CCDC169: variants seen among roughly 807,000 people sequenced by gnomAD.
The protein encoded by CCDC169 is coiled-coil domain containing 169.
A neutral mutation model predicts 36.0 loss-of-function variants in CCDC169; 30 were observed. The observed-to-expected ratio is 0.83, with a 90% CI of 0.62 to 1.13. The LOEUF is 1.13. Among genes scored for constraint, CCDC169 ranks in the 50% most tolerant of loss-of-function variants. CCDC169 has a pLI of 0.00. For missense variants in CCDC169, 245 were observed against 245.9 expected (o/e 1.00, Z 0.03); for synonymous variants, 85 against 81.5 (o/e 1.04, Z -0.23).
chr13:36,281,267 C>T (rs1413628779), intron 4 of CCDC169: 1 of 445,558 alleles, frequency 2.2e-6, no homozygotes, highest in Non-Finnish European at 4.5e-6. Context: ...CTTTCTGTCA[C>T]ATGAGGAAAA....
intron 4 of CCDC169, among the ~76,000 whole-genome samples, chr13:36,258,405 AC>A (rs1874190118): frequency 6.6e-6 from 1 of 152,176 alleles, no homozygotes; most frequent in Non-Finnish European, 1.5e-5. Context: ...AATCTTAATC[AC>A]AGGATGAAAT....
In CCDC169 at chr13:36,256,057, C is replaced by T. The variant is rs967595693; in HGVS notation, c.316-1914G>A. Among the ~76,000 whole-genome samples, 4 of 152,200 alleles carry T rather than the reference C, an allele frequency of 2.6e-5. 1 individual carries two copies. The highest frequency in any genetic ancestry group is 2.6e-4 in the Admixed American group (4 of 15,286). On this transcript the variant is annotated intron_variant, in intron 4 of 7. Coordinates refer to ENST00000239859, the MANE Select transcript of CCDC169 (RefSeq NM_001144981.3). ...GCCTTTCCTTCTCCTTCTTTGCCTG[C>T]AAGCGTTGCTTCCATCTTGCAATTT...
intron 2 of CCDC169, among the ~76,000 whole-genome samples, chr13:36,293,366 C>A (rs1879130901): frequency 6.6e-6 from 1 of 152,116 alleles, no homozygotes; most frequent in Admixed American, 6.5e-5. Flanking sequence ...CCCCAAATGG[C>A]TTTATGTTTA....
chr13:36,244,470 T>G (rs551768003), intron 7 of CCDC169: 1 of 152,128 alleles, frequency 6.6e-6, no homozygotes, highest in Non-Finnish European at 1.5e-5. Flanking sequence ...TTGTTGCAAT[T>G]TTTTGCTGGA....
intron 1 of CCDC169, 92 bp downstream of exon 1, chr13:36,297,545 C>G: frequency 1.6e-6 from 2 of 1,288,900 alleles, no homozygotes; most frequent in South Asian, 2.5e-5. Flanking sequence ...GCCGGTCTTA[C>G]AGCACCCTCA....
chr13:36,285,618 G>GATAGATAGATACACAC (rs751327575), intron 2 of CCDC169, among the ~76,000 whole-genome samples: 6 of 133,502 alleles, frequency 4.5e-5, no homozygotes. Context: ...TAGATAGATA[G>GATAGATAGATACACAC]ATACATAGAT....
At chr13:36,283,558 A>G in intron 3 of CCDC169, 34 bp downstream of exon 3, 1 of 1,550,938 alleles carries the variant, frequency 6.4e-7, no homozygotes, top group Non-Finnish European at 8.7e-7. Context: ...GTTTTAACTC[A>G]AATTATAAAA....
intron 4 of CCDC169, among the ~76,000 whole-genome samples, chr13:36,263,196 GA>G (rs1874815969): frequency 8.0e-6 from 1 of 124,922 alleles, no homozygotes; most frequent in Admixed American, 8.1e-5. Flanking sequence ...GAAAGTAGAG[GA>G]AAAAAAGGGT....
intron 1 of CCDC169, among the ~76,000 whole-genome samples, chr13:36,296,432 A>G (rs1879498050): frequency 6.6e-6 from 1 of 152,206 alleles, no homozygotes; most frequent in African/African-American, 2.4e-5. Flanking sequence ...ATCATCCTAA[A>G]GAAGTTAGTT....
At chr13:36,290,354 A>C (rs908806493) in intron 2 of CCDC169, among the ~76,000 whole-genome samples, 1 of 152,210 alleles carries the variant, frequency 6.6e-6, no homozygotes. Context: ...TTAGTGCCTA[A>C]ATTGACACTA....
chr13:36,272,910 C>T, intron 4 of CCDC169, among the ~76,000 whole-genome samples: 1 of 152,190 alleles, frequency 6.6e-6, no homozygotes, highest in Non-Finnish European at 1.5e-5. Context: ...ATGTGTTCAT[C>T]TTCAACTGTC....
At chr13:36,254,835 G>A (rs1290971134) in intron 4 of CCDC169, among the ~76,000 whole-genome samples, 1 of 152,146 alleles carries the variant, frequency 6.6e-6, no homozygotes, top group African/African-American at 2.4e-5. Flanking sequence ...TTCTGCTGAG[G>A]CTGTGGGCAT....
chr13:36,259,115 T>C (rs1422843790), intron 4 of CCDC169, among the ~76,000 whole-genome samples: 2 of 152,124 alleles, frequency 1.3e-5, no homozygotes, highest in African/African-American at 4.8e-5. Flanking sequence ...CTCCCTCGGA[T>C]ACCACAGTCT....
chr13:36,294,962 T>C (rs951540810), intron 2 of CCDC169, among the ~76,000 whole-genome samples: 3 of 152,300 alleles, frequency 2.0e-5, no homozygotes. Flanking sequence ...CATTTCTGCC[T>C]TTTAGTTTTT....
intron 1 of CCDC169, among the ~76,000 whole-genome samples, 155 bp downstream of exon 1, chr13:36,297,482 C>T (rs1037749752): frequency 2.0e-5 from 3 of 152,182 alleles, no homozygotes; most frequent in African/African-American, 7.2e-5. Context: ...GTGAATCTTT[C>T]GCATGGAATA....
chr13:36,224,155 T>C (rs2138355420), downstream of CCDC169: 1 of 152,272 alleles, frequency 6.6e-6, no homozygotes, highest in East Asian at 1.9e-4. Context: ...TAAATTTAAA[T>C]AAGTCAAAGG....
chr13:36,227,076 T>C, downstream of CCDC169: 2 of 495,598 alleles, frequency 4.0e-6, no homozygotes, highest in Non-Finnish European at 3.4e-6. Context: ...GTTTGAGAGA[T>C]GAAGCCACAC....
intron 7 of CCDC169, among the ~76,000 whole-genome samples, chr13:36,243,434 A>C (rs1435190584): frequency 1.5e-5 from 2 of 130,910 alleles, no homozygotes; most frequent in Non-Finnish European, 3.6e-5. Flanking sequence ...CAGGAGGCAG[A>C]ATTTGCAGTG....
intron 4 of CCDC169, among the ~76,000 whole-genome samples, chr13:36,263,811 A>C (rs1317727541): frequency 6.6e-6 from 1 of 152,216 alleles, no homozygotes; most frequent in African/African-American, 2.4e-5. Flanking sequence ...AAACATATGC[A>C]AGAAGCTAAA....
Sources: allele counts gnomAD v4.1 joint callset (sites outside exome capture counted in the v4.1 genomes callset), GRCh38; gene constraint gnomAD v4.1.1; transcripts MANE v1.5; gene names NCBI Gene and HGNC (gene_info 2026-07-23, HGNC 2026-07-21).